Variants in MRTFA observed in about 807,000 individuals in gnomAD.
MRTFA encodes myocardin-related transcription factor A.
Under a neutral mutation model 83.5 loss-of-function variants are expected in MRTFA, and 20 were observed. The ratio of observed to expected loss-of-function variants is 0.24; its 90% CI spans 0.17 to 0.35. The LOEUF is 0.35. Ranked by LOEUF, MRTFA falls within the 10% of genes least tolerant of loss-of-function variation. The probability of loss-of-function intolerance (pLI) is 1.00; values close to 1 mark genes in which losing one functional copy is unlikely to be tolerated. For synonymous variants in MRTFA, 659 were observed against 541.2 expected (o/e 1.22, Z -3.02); for missense variants, 1,200 against 1,224.7 (o/e 0.98, Z 0.30).
At chr22:40,503,665 G>A (rs1602350091) in intron 3 of MRTFA, among the ~76,000 whole-genome samples, 1 of 152,284 alleles carries the variant, frequency 6.6e-6, no homozygotes, top group Admixed American at 6.5e-5. Context: ...AGTGGCTCAC[G>A]CCTGTAATCC....
chr22:40,607,041 A>G (rs1264800597), intron 1 of MRTFA, among the ~76,000 whole-genome samples: 1 of 152,248 alleles, frequency 6.6e-6, no homozygotes, highest in Admixed American at 6.5e-5. Context: ...AGCACCTAAC[A>G]GTGCCTAACA....
intron 4 of MRTFA, among the ~76,000 whole-genome samples, chr22:40,437,238 C>A (rs2053189004): frequency 1.3e-5 from 2 of 152,162 alleles, no homozygotes; most frequent in Non-Finnish European, 2.9e-5. Flanking sequence ...ACACCCCCTG[C>A]ACCTGCTTCT....
intron 3 of MRTFA, among the ~76,000 whole-genome samples, chr22:40,469,614 T>A (rs747917378): frequency 6.6e-6 from 1 of 152,022 alleles, no homozygotes; most frequent in Admixed American, 6.6e-5. Context: ...ATCAACCAAA[T>A]AGAATTAACA....
chr22:40,503,951 TTAAAAAA>T (rs1569301245), intron 3 of MRTFA, among the ~76,000 whole-genome samples: 1 of 152,056 alleles, frequency 6.6e-6, no homozygotes, highest in African/African-American at 2.4e-5. Flanking sequence ...CCCAGGATAC[TTAAAAAA>T]TAATAAACTG....
chr22:40,481,618 C>A (rs1196779199), intron 3 of MRTFA, among the ~76,000 whole-genome samples: 1 of 151,970 alleles, frequency 6.6e-6, no homozygotes, highest in African/African-American at 2.4e-5. Context: ...AGAGAAGGCC[C>A]TTTTGAAGAG....
intron 1 of MRTFA, among the ~76,000 whole-genome samples, chr22:40,603,768 T>C (rs1295435138): frequency 6.7e-6 from 1 of 150,212 alleles, no homozygotes; most frequent in Non-Finnish European, 1.5e-5. Context: ...AAAAATTTTT[T>C]TTTTACTTTT....
intron 3 of MRTFA, among the ~76,000 whole-genome samples, chr22:40,546,850 T>C (rs562976891): frequency 3.2e-4 from 48 of 152,272 alleles, no homozygotes; most frequent in South Asian, 1.7e-3. Flanking sequence ...AAACCATTCA[T>C]TGATTCATTC....
At chr22:40,536,333 C>T (rs1602399477) in intron 3 of MRTFA, among the ~76,000 whole-genome samples, 1 of 151,512 alleles carries the variant, frequency 6.6e-6, no homozygotes, top group East Asian at 1.9e-4. Flanking sequence ...GAAGCCGCCG[C>T]CGCCCGACCG....
chr22:40,499,702 T>A (rs73167097), intron 3 of MRTFA, among the ~76,000 whole-genome samples: 19,129 of 152,108 alleles, frequency 0.13, 1,388 homozygotes, highest in East Asian at 0.24. Context: ...AATGACTCTG[T>A]AAGCAACACT....
At chr22:40,484,769 C>T (rs776345200) in intron 3 of MRTFA, among the ~76,000 whole-genome samples, 3 of 152,008 alleles carry the variant, frequency 2.0e-5, no homozygotes, top group South Asian at 2.1e-4. Context: ...AAGGGAAATT[C>T]CAGCTCAAAA....
chr22:40,534,678 C>A (rs2055137160), intron 3 of MRTFA, among the ~76,000 whole-genome samples: 1 of 152,128 alleles, frequency 6.6e-6, no homozygotes, highest in Admixed American at 6.5e-5. Context: ...CCCACAGCAC[C>A]TTTCATTAAC....
At chr22:40,484,501 G>A (rs1033047399) in intron 3 of MRTFA, among the ~76,000 whole-genome samples, 3 of 152,152 alleles carry the variant, frequency 2.0e-5, no homozygotes, top group African/African-American at 7.2e-5. Flanking sequence ...CTTTTCAAAA[G>A]CAAAGGTAGG....
chr22:40,579,505 A>G (rs2055914687), intron 2 of MRTFA, among the ~76,000 whole-genome samples: 1 of 152,220 alleles, frequency 6.6e-6, no homozygotes, highest in Non-Finnish European at 1.5e-5. Flanking sequence ...GTATGTATAA[A>G]GAACATCTGA....
chr22:40,429,596 T>A lies in MRTFA; in HGVS notation c.601+10A>T, dbSNP rs770095812. The A allele has an allele frequency of 6.2e-7, 1 of 1,613,974 alleles. No homozygotes were observed. Among genetic ancestry groups the A allele is most frequent in the Non-Finnish European group, 8.5e-7 (1 of 1,179,986 alleles). On this transcript the variant is annotated intron_variant, in intron 7 of 14. Transcript: ENST00000355630. ...CTGCCTCTCACACAGGGTGGCTGGG[T>A]CCTCCTCACCAATGATGGCTTCCTT...
intron 3 of MRTFA, among the ~76,000 whole-genome samples, chr22:40,483,503 G>A (rs2054125227): frequency 6.6e-6 from 1 of 151,460 alleles, no homozygotes; most frequent in South Asian, 2.1e-4. Context: ...GGCTAACATG[G>A]TGAAACCCCA....
Position 40,416,735 on chromosome 22 carries a change from G to A in MRTFA, c.2578+251C>T, listed in dbSNP as rs1260574584. ...CAGGCTGCACTGTGAGCTCCACAAG[G>A]GCAAATGTCTCTTCTGTTCGTTGGG... On this transcript the variant is annotated intron_variant, in intron 14 of 14. Coordinates refer to ENST00000355630, the MANE Select transcript of MRTFA (RefSeq NM_020831.6). This position sits in a 1 kb window ranked among gnomAD's most constrained non-coding sequence, Gnocchi z 4.2. 2.0e-5 allele frequency among the ~76,000 whole-genome samples: 3 copies of A among 152,210 alleles called. No homozygotes were observed. Among genetic ancestry groups the A allele is most frequent in the African/African-American group, 7.2e-5 (3 of 41,462 alleles).
intron 4 of MRTFA, among the ~76,000 whole-genome samples, chr22:40,460,724 C>T (rs1321130650): frequency 5.9e-5 from 9 of 152,144 alleles, no homozygotes; most frequent in South Asian, 2.1e-4. Context: ...CATTGCCCTA[C>T]CTGATCACAT....
At chr22:40,595,577 C>T (rs930348681) in intron 1 of MRTFA, among the ~76,000 whole-genome samples, 5 of 152,160 alleles carry the variant, frequency 3.3e-5, no homozygotes, top group Admixed American at 2.0e-4. Flanking sequence ...GATTCATTCT[C>T]TTCCCTTAAG....
At chr22:40,584,543 C>A (rs914598751) in intron 2 of MRTFA, among the ~76,000 whole-genome samples, 2 of 152,018 alleles carry the variant, frequency 1.3e-5, no homozygotes, top group African/African-American at 4.8e-5. Flanking sequence ...TTGAGACCAG[C>A]TTGACCAACA....
Sources: allele counts gnomAD v4.1 joint callset (sites outside exome capture counted in the v4.1 genomes callset), GRCh38; gene constraint gnomAD v4.1.1; non-coding constraint Gnocchi (gnomAD v3.1); transcripts MANE v1.5; gene names NCBI Gene and HGNC (gene_info 2026-07-23, HGNC 2026-07-21).